Variants in RIGI observed in about 807,000 individuals in gnomAD.
RIGI encodes RNA sensor RIG-I.
chr9:32,525,376 G>A, the RIGI span, among the ~76,000 whole-genome samples: 1 of 152,160 alleles, frequency 6.6e-6, no homozygotes, highest in Non-Finnish European at 1.5e-5. Context: ...GACCACGCCC[G>A]GCCTCATCGA....
chr9:32,515,719 C>T, the RIGI span, among the ~76,000 whole-genome samples: 1 of 152,212 alleles, frequency 6.6e-6, no homozygotes, highest in Non-Finnish European at 1.5e-5. Flanking sequence ...TTACCTTCAT[C>T]CCTATTCCAC....
chr9:32,476,937 A>G, the RIGI span: 6 of 1,510,012 alleles, frequency 4.0e-6, no homozygotes, highest in Non-Finnish European at 5.4e-6. Context: ...TTTTCAATGA[A>G]TAGTGCTGGG....
chr9:32,507,333 G>A, the RIGI span, among the ~76,000 whole-genome samples: 3 of 152,172 alleles, frequency 2.0e-5, no homozygotes, highest in South Asian at 6.2e-4. Context: ...TGGAGGAGAA[G>A]GATATATTTG....
At chr9:32,464,966 T>G in the RIGI span, among the ~76,000 whole-genome samples, 2 of 152,212 alleles carry the variant, frequency 1.3e-5, no homozygotes, top group Non-Finnish European at 2.9e-5. Flanking sequence ...TGCCTACATC[T>G]GGTCTAGCCT....
chr9:32,476,972 A>G, the RIGI span: 2 of 1,609,156 alleles, frequency 1.2e-6, no homozygotes, highest in Non-Finnish European at 1.7e-6. Flanking sequence ...ACAAGGAGAA[A>G]AAAAGCTTAC....
chr9:32,459,648 G>T, the RIGI span: 1 of 849,950 alleles, frequency 1.2e-6, no homozygotes, highest in Non-Finnish European at 1.7e-6. Flanking sequence ...TGAACATATG[G>T]TACCTGACTT....
At chr9:32,493,497 AC>A in the RIGI span, among the ~76,000 whole-genome samples, 1 of 139,518 alleles carries the variant, frequency 7.2e-6, no homozygotes, top group Non-Finnish European at 1.6e-5. Context: ...GGTAGCACGC[AC>A]CTGTAATCCC....
At chr9:32,500,696 G>A in the RIGI span, 4 of 1,324,544 alleles carry the variant, frequency 3.0e-6, no homozygotes, top group Non-Finnish European at 4.1e-6. Flanking sequence ...CAGACTAAGA[G>A]GCATGAACTA....
At chr9:32,509,132 T>A in the RIGI span, among the ~76,000 whole-genome samples, 1 of 152,186 alleles carries the variant, frequency 6.6e-6, no homozygotes, top group Admixed American at 6.5e-5. Context: ...CCCATTTCCC[T>A]GGGAGAGGGC....
At chr9:32,472,131 T>C in the RIGI span, among the ~76,000 whole-genome samples, 2 of 152,192 alleles carry the variant, frequency 1.3e-5, no homozygotes, top group Non-Finnish European at 2.9e-5. Context: ...GATTTCAGAA[T>C]TGTCTGCTTG....
chr9:32,473,642 A>G, the RIGI span, among the ~76,000 whole-genome samples: 1 of 152,230 alleles, frequency 6.6e-6, no homozygotes, highest in East Asian at 1.9e-4. Context: ...GGTATGTAGA[A>G]TAAGTGAGTT....
At chr9:32,485,199 C>T in the RIGI span, 8 of 1,606,126 alleles carry the variant, frequency 5.0e-6, no homozygotes, top group Middle Eastern at 3.3e-4. Flanking sequence ...ATTCTCTTTG[C>T]CAGACTCTCT....
chr9:32,476,400 G>A, the RIGI span, among the ~76,000 whole-genome samples: 146 of 152,208 alleles, frequency 9.6e-4, no homozygotes, highest in African/African-American at 3.5e-3. Flanking sequence ...GGTGGCAGAG[G>A]GTGATGAGGT....
At chr9:32,519,062 A>C in the RIGI span, among the ~76,000 whole-genome samples, 1 of 152,234 alleles carries the variant, frequency 6.6e-6, no homozygotes, top group Non-Finnish European at 1.5e-5. Flanking sequence ...GTGAACTTAA[A>C]GACATTAAAT....
At chr9:32,517,110 T>A in the RIGI span, among the ~76,000 whole-genome samples, 2 of 152,230 alleles carry the variant, frequency 1.3e-5, no homozygotes, top group Non-Finnish European at 2.9e-5. Flanking sequence ...GCCGCTGTTT[T>A]AAGCAGGGTT....
chr9:32,457,214 C>T, the RIGI span: 1 of 1,613,992 alleles, frequency 6.2e-7, no homozygotes, highest in Admixed American at 1.7e-5. Flanking sequence ...GTTGCAATAT[C>T]CTCCACCACA....
At chr9:32,493,714 C>T in the RIGI span, 15 of 1,266,356 alleles carry the variant, frequency 1.2e-5, no homozygotes, top group Non-Finnish European at 1.7e-5. Context: ...AAGACCTTCC[C>T]ATGTTATAAT....
At chr9:32,459,924 A>G in the RIGI span, among the ~76,000 whole-genome samples, 1 of 152,358 alleles carries the variant, frequency 6.6e-6, no homozygotes, top group Non-Finnish European at 1.5e-5. Flanking sequence ...GAGTGATACA[A>G]CAGGCAGAAG....
At chr9:32,466,364 T>A in the RIGI span, 3 of 1,613,796 alleles carry the variant, frequency 1.9e-6, no homozygotes, top group Non-Finnish European at 1.7e-6. Context: ...TCTTTGTACA[T>A]GTTTATTTGT....
Sources: gnomAD v4.1 joint callset for allele counts (sites outside exome capture counted in the v4.1 genomes callset) on GRCh38, gnomAD v4.1.1 for gene constraint, MANE v1.5 for transcripts, NCBI Gene and HGNC (gene_info 2026-07-23, HGNC 2026-07-21) for gene names.